The following TCF12 variants were observed in gnomAD, a reference collection of about 807,000 sequenced individuals.
The protein encoded by TCF12 is transcription factor 12.
TCF12 carries 45 observed loss-of-function variants against 86.0 expected under a neutral mutation model. The ratio of observed to expected loss-of-function variants is 0.52; its 90% confidence interval spans 0.41 to 0.67. TCF12 has a LOEUF of 0.67. Among genes scored for constraint, TCF12 ranks in the 30% least tolerant of loss-of-function variants. The pLI is 0.00. For synonymous variants in TCF12, 330 were observed against 299.6 expected, an observed-to-expected ratio of 1.10 and a Z score of -1.05; for missense variants, 881 against 859.9, an observed-to-expected ratio of 1.02 and a Z score of -0.31.
At chr15:57,141,584 C>T (rs757641110) in intron 5 of TCF12, among the ~76,000 whole-genome samples, 3 of 152,076 alleles carry the variant, frequency 2.0e-5, no homozygotes, top group South Asian at 2.1e-4. Context: ...CCCGACCTCA[C>T]GTGATCCGCC....
At chr15:57,219,406 T>C in intron 8 of TCF12, 1 of 1,367,102 alleles carries the variant, frequency 7.3e-7, no homozygotes, top group Non-Finnish European at 9.6e-7. Flanking sequence ...TCCTTTTGAG[T>C]AGATCCATGT....
intron 19 of TCF12, among the ~76,000 whole-genome samples, chr15:57,274,823 C>T (rs1003080120): frequency 3.9e-5 from 6 of 152,172 alleles, no homozygotes; most frequent in African/African-American, 1.2e-4. Context: ...ACCTTTTCCT[C>T]CCATAGTGCA....
chr15:57,223,653 T>TTTTTTTGTTTTTTTTTTG (rs2058720798), intron 8 of TCF12, among the ~76,000 whole-genome samples: 1 of 135,294 alleles, frequency 7.4e-6, no homozygotes, highest in African/African-American at 2.8e-5. Context: ...GTTTTTTTTT[T>TTTTTTTGTTTTTTTTTTG]TTTTTTTTTT....
chr15:57,273,370 A>T lies in TCF12; in HGVS notation c.1978+108A>T. Reference sequence around the variant, plus strand: ...GAAGTTGTTTGTTATTTCTCCCAGTACTTCTTCTACTGTATCATCAGGGTC... The same window carrying T: ...GAAGTTGTTTGTTATTTCTCCCAGTTCTTCTTCTACTGTATCATCAGGGTC... On this transcript the variant is annotated intron_variant, in intron 19 of 20. Transcript: ENST00000333725. 4 of 1,097,488 alleles carry T rather than the reference A, an allele frequency of 3.6e-6. No homozygotes were observed. In the South Asian group the frequency reaches 6.2e-5, roughly 17 times the overall value. 68.0% of individuals were successfully genotyped at this position (1,097,488 alleles called of 1,614,324 possible).
intron 3 of TCF12, among the ~76,000 whole-genome samples, chr15:57,007,857 CCTTCCTT>C (rs1567242353): frequency 0.047 from 375 of 7,950 alleles, 14 homozygotes; most frequent in East Asian, 0.28. Context: ...TCCCTCCCTT[CCTTCCTT>C]CCTTCCTTCC....
At chr15:57,285,619 A>G (rs1002888045) in intron 20 of TCF12, among the ~76,000 whole-genome samples, 8 of 152,204 alleles carry the variant, frequency 5.3e-5, no homozygotes, top group Admixed American at 1.3e-4. Flanking sequence ...GGGCTTTACC[A>G]TTGTCTCACT....
intron 3 of TCF12, among the ~76,000 whole-genome samples, chr15:57,039,420 C>T (rs1440120577): frequency 6.6e-6 from 1 of 152,150 alleles, no homozygotes; most frequent in African/African-American, 2.4e-5. Flanking sequence ...CATTTGTATA[C>T]CCAGGTATTT....
chr15:57,140,417 C>A (rs2052872977), intron 5 of TCF12, among the ~76,000 whole-genome samples: 1 of 152,140 alleles, frequency 6.6e-6, no homozygotes, highest in South Asian at 2.1e-4. Flanking sequence ...TTAAAAGGTT[C>A]ATCATCCAAC....
At chr15:57,026,975 A>G (rs2065861553) in intron 3 of TCF12, among the ~76,000 whole-genome samples, 1 of 151,876 alleles carries the variant, frequency 6.6e-6, no homozygotes, top group Admixed American at 6.6e-5. Context: ...AATTTGTATT[A>G]TTTTTTATTT....
At chr15:57,082,570 A>G (rs2048380205) in intron 4 of TCF12, among the ~76,000 whole-genome samples, 2 of 152,236 alleles carry the variant, frequency 1.3e-5, no homozygotes, top group Non-Finnish European at 2.9e-5. Context: ...TGAACTGATA[A>G]GGAAATGTAA....
chr15:57,098,823 A>G (rs1309434095), intron 5 of TCF12, among the ~76,000 whole-genome samples: 5 of 152,158 alleles, frequency 3.3e-5, no homozygotes, highest in African/African-American at 1.2e-4. Context: ...ATTGATTTGG[A>G]GCATGGGGGA....
rs1163694785 is a variant in TCF12 at position 57,125,961 on chromosome 15, TG to T, written c.325+34072del. ...AATCTGATTTTAGGTCTGGGCACAG[TG>T]GCTTACACCTGTAATCCCAGCACTT... On this transcript the variant is annotated intron_variant, in intron 5 of 20. Transcript: ENST00000333725. Among the ~76,000 whole-genome samples the T allele has an allele frequency of 4.6e-5, 7 of 152,248 alleles. No individual in the cohort carries two copies. The East Asian group carries it at 1.3e-3, about 29-fold the overall frequency.
intron 4 of TCF12, among the ~76,000 whole-genome samples, chr15:57,066,675 T>A (rs181094456): frequency 6.6e-5 from 10 of 152,170 alleles, no homozygotes; most frequent in African/African-American, 2.4e-4. Flanking sequence ...TATACCTGCT[T>A]TAAACTTAAC....
intron 3 of TCF12, among the ~76,000 whole-genome samples, chr15:56,933,882 A>G (rs1435918889): frequency 4.6e-5 from 7 of 151,844 alleles, no homozygotes; most frequent in African/African-American, 1.7e-4. Context: ...AATTTTTAAT[A>G]TGTAATTTAC....
chr15:57,218,485 C>G (rs1158299876), intron 8 of TCF12, among the ~76,000 whole-genome samples: 1 of 152,162 alleles, frequency 6.6e-6, no homozygotes, highest in Non-Finnish European at 1.5e-5. Flanking sequence ...TTAGAAATGT[C>G]TGTAAGACAT....
intron 3 of TCF12, among the ~76,000 whole-genome samples, chr15:56,939,967 G>GTGTT (rs1555452072): frequency 9.5e-6 from 1 of 104,752 alleles, no homozygotes; most frequent in African/African-American, 4.4e-5. Context: ...TTAATAGCGT[G>GTGTT]TTTTTTTTTT....
chr15:56,940,495 TCCTC>T (rs2060689843), intron 3 of TCF12, among the ~76,000 whole-genome samples: 5 of 101,764 alleles, frequency 4.9e-5, no homozygotes, highest in South Asian at 6.5e-4. Flanking sequence ...CTCCTCCTCC[TCCTC>T]CTTCTTCTTC....
chr15:56,993,931 T>C (rs1775531704), intron 3 of TCF12, among the ~76,000 whole-genome samples: 2 of 152,164 alleles, frequency 1.3e-5, no homozygotes, highest in South Asian at 4.1e-4. Context: ...TATACCATCA[T>C]GATAATAACG....
intron 3 of TCF12, among the ~76,000 whole-genome samples, chr15:56,955,165 T>A (rs1299967051): frequency 6.6e-6 from 1 of 152,200 alleles, no homozygotes; most frequent in African/African-American, 2.4e-5. Flanking sequence ...TGTCCATCAA[T>A]GATAGACTGG....
Sources: gnomAD v4.1 joint callset for allele counts (sites outside exome capture counted in the v4.1 genomes callset) on GRCh38, gnomAD v4.1.1 for gene constraint, MANE v1.5 for transcripts, NCBI Gene and HGNC (gene_info 2026-07-23, HGNC 2026-07-21) for gene names.